The following LRSAM1 variants were observed in gnomAD, a reference collection of about 807,000 sequenced individuals.
LRSAM1 encodes leucine rich repeat and sterile alpha motif containing 1, also known as E3 ubiquitin-protein ligase LRSAM1.
LRSAM1 carries 96 observed loss-of-function variants against 118.1 expected under a neutral mutation model. The ratio of observed to expected loss-of-function variants is 0.81; its 90% confidence interval spans 0.69 to 0.96. LRSAM1 has a LOEUF of 0.96. Among genes scored for constraint, LRSAM1 ranks in the 40% least tolerant of loss-of-function variants. LRSAM1 has a pLI of 0.00. For missense variants in LRSAM1, 804 were observed against 915.5 expected, an observed-to-expected ratio of 0.88 and a Z score of 1.57; for synonymous variants, 322 against 364.2, an observed-to-expected ratio of 0.88 and a Z score of 1.32.
intron 15 of LRSAM1, among the ~76,000 whole-genome samples, chr9:127,482,575 A>G (rs1476206279): frequency 1.3e-5 from 2 of 152,240 alleles, no homozygotes; most frequent in Non-Finnish European, 2.9e-5. Context: ...CACCATCACC[A>G]TCACAAACAG....
chr9:127,456,024 A>G (rs1834502738), intron 5 of LRSAM1, among the ~76,000 whole-genome samples: 1 of 152,128 alleles, frequency 6.6e-6, no homozygotes, highest in Admixed American at 6.5e-5. Flanking sequence ...GGTGTTAGTA[A>G]TAATAGAAAC....
chr9:127,494,299 G>A (rs953121341), intron 21 of LRSAM1, among the ~76,000 whole-genome samples: 1 of 152,240 alleles, frequency 6.6e-6, no homozygotes, highest in Non-Finnish European at 1.5e-5. Flanking sequence ...AGAAACGCCT[G>A]TGTTGATCCC....
At chr9:127,453,256 A>G (rs1834389667) in intron 2 of LRSAM1, among the ~76,000 whole-genome samples, 1 of 151,928 alleles carries the variant, frequency 6.6e-6, no homozygotes, top group Non-Finnish European at 1.5e-5. Context: ...TTCTTTGTGT[A>G]TTTTTAGTAG....
Position 127,457,363 on chromosome 9 carries a change from C to A in LRSAM1, c.222C>A (p.Ser74=). 1 of 1,614,230 alleles carries A rather than the reference C, an allele frequency of 6.2e-7. No homozygotes were observed. Among genetic ancestry groups the A allele is most frequent in the East Asian group, 2.2e-5 (1 of 44,886 alleles). Reference sequence around the variant, plus strand: ...ACCTCACTTCCCTGCTTCCCAAATCCTGCAGCCTCCTGAGTCTGGCAACCA... The same window carrying A: ...ACCTCACTTCCCTGCTTCCCAAATCATGCAGCCTCCTGAGTCTGGCAACCA... ...TNHLTSLLPK[S]CSLLSLATIK... is the part of the protein sequence containing the mutation. Residue 74 remains serine (S), a synonymous_variant, in exon 6 of 26, where the codon TCC becomes TCA. Coordinates refer to ENST00000300417, the MANE Select transcript of LRSAM1 (RefSeq NM_001005373.4).
At chr9:127,473,319 T>G (rs902442192) in intron 10 of LRSAM1, among the ~76,000 whole-genome samples, 2 of 152,202 alleles carry the variant, frequency 1.3e-5, no homozygotes, top group Non-Finnish European at 2.9e-5. Context: ...GACCTAAGGT[T>G]ATTAACTACA....
At position 127,455,065 on chromosome 9, in the gene LRSAM1, G is replaced by A. The variant is rs372244339; in HGVS notation, c.129+11G>A. 3.1e-6 allele frequency: 5 copies of A among 1,613,262 alleles called. No homozygotes were observed. The African/African-American group carries it at 6.7e-5, about 22-fold the overall frequency. ...TGTGAGCTCTCAGAGGTAAACTGAG[G>A]ATAGTGTTGGGCTGTGAATTGGATC... is the stretch of plus-strand genomic sequence containing the variant. On this transcript the variant is annotated intron_variant, in intron 4 of 25. Transcript: ENST00000300417.
In LRSAM1 at chr9:127,489,777, G is replaced by A. The variant is rs370536935; in HGVS notation, c.1422+259G>A. Among the ~76,000 whole-genome samples the A allele has an allele frequency of 2.2e-4, 33 of 152,330 alleles. 1 individual carries two copies. The highest frequency in any genetic ancestry group is 2.1e-3 in the East Asian group (11 of 5,176). ...GCGAGGCGGGTCTCCACCACGCCTGGGCCAGGGAGGCTGGTGCTGATGTGT... is the reference window on the plus strand; with the variant it reads ...GCGAGGCGGGTCTCCACCACGCCTGAGCCAGGGAGGCTGGTGCTGATGTGT... On this transcript the variant is annotated intron_variant, in intron 19 of 25. Transcript: ENST00000300417.
chr9:127,492,108 G>A (rs111564851), intron 20 of LRSAM1, among the ~76,000 whole-genome samples: 7,200 of 152,276 alleles, frequency 0.047, 569 homozygotes, highest in African/African-American at 0.16. Flanking sequence ...CAGGTGCACC[G>A]CAGGTGTGCT....
At chr9:127,462,075 C>A (rs935092100) in intron 8 of LRSAM1, among the ~76,000 whole-genome samples, 177 bp from the exon 9 acceptor site, 1 of 152,180 alleles carries the variant, frequency 6.6e-6, no homozygotes, top group Admixed American at 6.5e-5. Context: ...AGTCTCTTGG[C>A]TAGTAATTGG....
At chr9:127,502,709 A>T in intron 25 of LRSAM1, 65 bp from the exon 26 acceptor site, 1 of 1,466,754 alleles carries the variant, frequency 6.8e-7, no homozygotes, top group Non-Finnish European at 9.1e-7. Flanking sequence ...AAAAAAAAAA[A>T]AGACGGGCCT....
chr9:127,495,946 C>T lies in LRSAM1; in HGVS notation c.1699-18C>T. 1.2e-6 allele frequency: 2 copies of T among 1,611,954 alleles called. No individual in the cohort carries two copies. The highest frequency in any genetic ancestry group is 8.5e-7 in the Non-Finnish European group (1 of 1,179,810). ...CTTTTCTTCCTTCCTGCTCATGGTA[C>T]ACGTTTCTGTCTTGCAGGAAGAGGG... is the stretch of plus-strand genomic sequence containing the variant. On this transcript the variant is annotated intron_variant, in intron 22 of 25. Transcript: ENST00000300417.
In LRSAM1 at chr9:127,487,746, A is replaced by G. The variant is rs1378571439; in HGVS notation, c.1330A>G (p.Ser444Gly). 1 of 1,613,294 alleles carries G rather than the reference A, an allele frequency of 6.2e-7. No homozygotes were observed. The highest frequency in any genetic ancestry group is 8.5e-7 in the Non-Finnish European group (1 of 1,179,658). ...WQQMDQNKAI[S>G]QILQESAMQK... is the part of the protein sequence containing the mutation. ...GCAAATGGATCAGAACAAAGCCATC[A>G]GCCAGATCCTGCAGGAGGTGAGCCC... Residue 444 changes from serine (S) to glycine (G), a missense_variant, in exon 18 of 26, where the codon AGC (serine) becomes GGC (glycine). Ser to Gly is a moderately conservative substitution (Grantham distance 56, BLOSUM62 0). Transcript: ENST00000300417.
In LRSAM1 at chr9:127,495,430, T is replaced by C; in HGVS notation, c.1698+12T>C. On this transcript the variant is annotated intron_variant, in intron 22 of 25. Coordinates refer to ENST00000300417, the MANE Select transcript of LRSAM1 (RefSeq NM_001005373.4). The stretch of plus-strand genomic sequence containing the variant: ...CCTTGAAGCTGCAAGTAAGGACTGC[T>C]GGTGCCTGTCCCGGCCAGGGAGCCC... 1 of 1,611,566 alleles carries C rather than the reference T, an allele frequency of 6.2e-7. No homozygotes were observed. Among genetic ancestry groups the C allele is most frequent in the South Asian group, 1.1e-5 (1 of 91,022 alleles).
At chr9:127,496,266 C>T (rs1349833630) in intron 23 of LRSAM1, among the ~76,000 whole-genome samples, 171 bp downstream of exon 23, 1 of 152,252 alleles carries the variant, frequency 6.6e-6, no homozygotes, top group East Asian at 1.9e-4. Flanking sequence ...GCCCCAGCCG[C>T]CTGTGTGTGC....
chr9:127,487,601 C>A, intron 17 of LRSAM1, 75 bp from the exon 18 acceptor site: 1 of 1,409,024 alleles, frequency 7.1e-7, no homozygotes, highest in South Asian at 1.2e-5. Context: ...TCTTGATCTC[C>A]TCCAAGGGGC....
intron 16 of LRSAM1, 94 bp downstream of exon 16, chr9:127,483,114 C>A: frequency 8.3e-7 from 1 of 1,198,574 alleles, no homozygotes; most frequent in Non-Finnish European, 1.2e-6. Context: ...GCATGGAGGG[C>A]CCTGAGTGTT....
At chr9:127,483,283 A>G (rs1399064785) in intron 16 of LRSAM1, among the ~76,000 whole-genome samples, 1 of 152,158 alleles carries the variant, frequency 6.6e-6, no homozygotes, top group Non-Finnish European at 1.5e-5. Flanking sequence ...TTTCTTAGCT[A>G]TAAAATGGAG....
chr9:127,486,091 C>T (rs924510623), intron 17 of LRSAM1, among the ~76,000 whole-genome samples: 5 of 152,238 alleles, frequency 3.3e-5, no homozygotes, highest in East Asian at 3.8e-4. Context: ...CTCGGCTAAG[C>T]GATGAACCAC....
rs149986967 is a variant in LRSAM1, at chr9:127,462,892, T to C, written c.528+519T>C. ...AAGTTGTGATATTCAAGCCAGACCT[T>C]AAAGGAGGAATAAGATTTCTGGGCT... On this transcript the variant is annotated intron_variant, in intron 9 of 25. Coordinates refer to ENST00000300417, the MANE Select transcript of LRSAM1 (RefSeq NM_001005373.4). 3.2e-3 allele frequency among the ~76,000 whole-genome samples: 481 copies of C among 151,414 alleles called. 1 individual carries two copies. The highest frequency in any genetic ancestry group is 0.011 in the African/African-American group (461 of 41,284).
Sources: gnomAD v4.1 joint callset for allele counts (sites outside exome capture counted in the v4.1 genomes callset) on GRCh38, gnomAD v4.1.1 for gene constraint, MANE v1.5 for transcripts, NCBI Gene and HGNC (gene_info 2026-07-23, HGNC 2026-07-21) for gene names.